Variants in PDE4D observed in about 807,000 individuals in gnomAD.
PDE4D encodes the protein 3',5'-cyclic-AMP phosphodiesterase 4D.
In PDE4D, 24 loss-of-function variants were observed where a neutral mutation model predicts 87.4. The ratio of observed to expected loss-of-function variants is 0.27; its 90% CI spans 0.20 to 0.39. The LOEUF (loss-of-function observed/expected upper bound fraction) is 0.39. PDE4D is among the 10% of genes least tolerant of loss of function. PDE4D has a pLI of 1.00. For missense variants in PDE4D, 714 were observed against 1,041.0 expected, an observed-to-expected ratio of 0.69 and a Z score of 4.32; for synonymous variants, 384 against 383.2, an observed-to-expected ratio of 1.00 and a Z score of -0.02.
chr5:59,219,431 A>G (rs1288275719), intron 1 of PDE4D, among the ~76,000 whole-genome samples: 2 of 152,124 alleles, frequency 1.3e-5, no homozygotes, highest in Non-Finnish European at 2.9e-5. Context: ...ATCCTCTTAT[A>G]ATCAAAATTA....
In PDE4D at chr5:60,446,843, C is replaced by T. The variant is rs1321415713; in HGVS notation, c.-90+41099G>A. Among the ~76,000 whole-genome samples the T allele has an allele frequency of 2.6e-5, 4 of 152,050 alleles. No homozygotes were observed. The South Asian group carries it at 8.3e-4, about 32-fold the overall frequency. ...CTCTTCAACCTAATTCTGCGCCTGC[C>T]CCCTGCCAAGCTTTGGCCCAGAAAT... is the stretch of plus-strand genomic sequence containing the variant. On this transcript the variant is annotated intron_variant, in intron 1 of 16. Coordinates refer to the PDE4D transcript ENST00000502484.
intron 1 of PDE4D, among the ~76,000 whole-genome samples, chr5:59,305,364 TTA>T (rs1435981820): frequency 2.6e-5 from 3 of 113,554 alleles, no homozygotes; most frequent in African/African-American, 1.2e-4. Flanking sequence ...ATTTATTTAT[TTA>T]TTTTTTTGTA....
At chr5:59,179,716 G>A (rs1338648348) in intron 5 of PDE4D, 1 of 411,826 alleles carries the variant, frequency 2.4e-6, no homozygotes, top group Non-Finnish European at 4.7e-6. Context: ...ATTATGGGTT[G>A]GAGCTCAAGG....
intron 1 of PDE4D, among the ~76,000 whole-genome samples, chr5:59,750,515 A>C (rs1448268131): frequency 1.3e-5 from 2 of 152,084 alleles, no homozygotes; most frequent in African/African-American, 2.4e-5. Flanking sequence ...TCTCTTTCAG[A>C]TCTCTGCTGA....
chr5:59,187,387 A>G (rs1743158733), intron 3 of PDE4D, among the ~76,000 whole-genome samples: 1 of 152,168 alleles, frequency 6.6e-6, no homozygotes, highest in South Asian at 2.1e-4. Flanking sequence ...CTCCCCTTCA[A>G]TGATTAAGAT....
chr5:59,964,633 T>C (rs996796174), intron 3 of PDE4D, among the ~76,000 whole-genome samples: 7 of 152,186 alleles, frequency 4.6e-5, no homozygotes, highest in African/African-American at 1.7e-4. Context: ...TGATCATTTC[T>C]CTTCTCCCCA....
Position 60,196,659 on chromosome 5 carries a change from C to T in PDE4D, c.-89-10972G>A, listed in dbSNP as rs537092814. 5.3e-5 allele frequency among the ~76,000 whole-genome samples: 8 copies of T among 151,520 alleles called. No individual in the cohort carries two copies. In the South Asian group the frequency reaches 1.3e-3, roughly 24 times the overall value. ...TTGACTATAACAGATCCATTGAGAG[C>T]CTCAGGATAAAATTCCCTGAGTCAT... is the stretch of plus-strand genomic sequence containing the variant. On this transcript the variant is annotated intron_variant, in intron 1 of 16. Coordinates refer to the PDE4D transcript ENST00000502484.
intron 1 of PDE4D, among the ~76,000 whole-genome samples, chr5:60,187,850 G>A (rs1784904972): frequency 6.6e-6 from 1 of 152,136 alleles, no homozygotes; most frequent in South Asian, 2.1e-4. Context: ...GGCATTCTAT[G>A]TAGCTTTTAG....
At chr5:59,808,294 C>G (rs1440539206) in intron 1 of PDE4D, among the ~76,000 whole-genome samples, 2 of 152,186 alleles carry the variant, frequency 1.3e-5, no homozygotes, top group Admixed American at 1.3e-4. Context: ...TTCAACAGAA[C>G]TTTCTCTTTT....
chr5:59,709,987 T>C (rs1374478577), intron 1 of PDE4D, among the ~76,000 whole-genome samples: 1 of 152,096 alleles, frequency 6.6e-6, no homozygotes, highest in Non-Finnish European at 1.5e-5. Flanking sequence ...CACAGCATGG[T>C]ATTGAGAGCT....
At chr5:59,804,774 G>A (rs1767555469) in intron 1 of PDE4D, among the ~76,000 whole-genome samples, 2 of 152,000 alleles carry the variant, frequency 1.3e-5, no homozygotes, top group African/African-American at 4.8e-5. Flanking sequence ...TGTGCCAATA[G>A]CGTTGTTTCT....
At chr5:60,203,980 G>T (rs937089045) in intron 1 of PDE4D, among the ~76,000 whole-genome samples, 5 of 152,184 alleles carry the variant, frequency 3.3e-5, no homozygotes, top group African/African-American at 1.2e-4. Flanking sequence ...GCCAATTATT[G>T]TTCCTGAAGT....
At chr5:59,907,635 C>T (rs894232569) in intron 3 of PDE4D, among the ~76,000 whole-genome samples, 4 of 152,074 alleles carry the variant, frequency 2.6e-5, no homozygotes, top group South Asian at 2.1e-4. Flanking sequence ...AGTTCTATCA[C>T]GAACAAATCA....
chr5:59,305,524 A>T (rs1398675994), intron 1 of PDE4D, among the ~76,000 whole-genome samples: 2 of 151,468 alleles, frequency 1.3e-5, no homozygotes, highest in African/African-American at 4.9e-5. Flanking sequence ...AGTCTTTTTG[A>T]TGTAGGCATT....
intron 1 of PDE4D, among the ~76,000 whole-genome samples, chr5:59,435,776 T>G (rs1281428384): frequency 6.6e-6 from 1 of 152,220 alleles, no homozygotes; most frequent in Non-Finnish European, 1.5e-5. Flanking sequence ...TTTCCTGAAC[T>G]CCCTTCTCAG....
rs536092220 is a variant in PDE4D at position 58,988,865 on chromosome 5, T to G, written c.1453-273A>C. On this transcript the variant is annotated intron_variant, in intron 10 of 14. Coordinates refer to ENST00000340635, the MANE Select transcript of PDE4D (RefSeq NM_001104631.2). ...ATTATTTTAAAACTCTGAAATTATT[T>G]TAAAAGAAAATAATAGTTTATTTTC... Among the ~76,000 whole-genome samples, 10 of 152,260 alleles carry G rather than the reference T, an allele frequency of 6.6e-5. No individual in the cohort carries two copies. The South Asian group carries it at 2.1e-3, about 32-fold the overall frequency.
In PDE4D at chr5:58,975,531, A is replaced by C. The variant is rs1351458850; in HGVS notation, c.2013+126T>G. 6 of 675,388 alleles carry C rather than the reference A, an allele frequency of 8.9e-6. 1 individual carries two copies. The highest frequency in any genetic ancestry group is 1.4e-5 in the Non-Finnish European group (6 of 440,960). The allele number at this position is 675,388 out of a possible 1,614,324, so 41.8% of individuals were successfully genotyped here. ...TTTGGATCATAAATACTAAGGTGAA[A>C]TTGAGCTTGTCAAAAACAAAGTAAT... On this transcript the variant is annotated intron_variant, in intron 14 of 14. Transcript: ENST00000340635. The surrounding 1 kb of genome is among the most constrained non-coding windows in gnomAD (Gnocchi z 4.2).
At chr5:59,150,124 A>G (rs1249578249) in intron 5 of PDE4D, among the ~76,000 whole-genome samples, 1 of 152,056 alleles carries the variant, frequency 6.6e-6, no homozygotes, top group Non-Finnish European at 1.5e-5. Flanking sequence ...GCAGCCTCAA[A>G]ATAGGTAGTA....
intron 1 of PDE4D, among the ~76,000 whole-genome samples, chr5:60,399,359 T>C (rs1740840631): frequency 6.6e-6 from 1 of 152,204 alleles, no homozygotes; most frequent in Non-Finnish European, 1.5e-5. Context: ...AATTAAAGGT[T>C]CAAAAGAATG....
Sources: allele counts gnomAD v4.1 joint callset (sites outside exome capture counted in the v4.1 genomes callset), GRCh38; gene constraint gnomAD v4.1.1; non-coding constraint Gnocchi (gnomAD v3.1); transcripts MANE v1.5; gene names NCBI Gene and HGNC (gene_info 2026-07-23, HGNC 2026-07-21).